TRMT11: variants seen among roughly 807,000 people sequenced by gnomAD.
The protein encoded by TRMT11 is tRNA (guanine(10)-N(2))-methyltransferase TRMT11.
Under a neutral mutation model 62.8 loss-of-function variants are expected in TRMT11, and 53 were observed. The observed-to-expected ratio is 0.84, with a 90% CI of 0.68 to 1.06. TRMT11 has a LOEUF of 1.06. Ranked by LOEUF, TRMT11 falls within the 50% of genes least tolerant of loss-of-function variation. The pLI is 0.00. For synonymous variants in TRMT11, 188 were observed against 190.3 expected (o/e 0.99, Z 0.10); for missense variants, 556 against 553.4 (o/e 1.00, Z -0.05).
chr6:126,046,695 G>T (rs896714692), intron 16 of TRMT11, among the ~76,000 whole-genome samples: 1 of 152,140 alleles, frequency 6.6e-6, no homozygotes, highest in Non-Finnish European at 1.5e-5. Context: ...GTGGGGGAAG[G>T]GTCCACTCGG....
At chr6:125,999,957 A>G (rs191148798) in intron 7 of TRMT11, among the ~76,000 whole-genome samples, 2 of 152,318 alleles carry the variant, frequency 1.3e-5, no homozygotes, top group Non-Finnish European at 2.9e-5. Flanking sequence ...TGAAAGAAAG[A>G]CTTGGATGAC....
At chr6:126,091,469 A>G (rs1488087330) in intron 17 of TRMT11, among the ~76,000 whole-genome samples, 2 of 152,130 alleles carry the variant, frequency 1.3e-5, no homozygotes, top group Admixed American at 6.5e-5. Context: ...TTTTCGGTCC[A>G]TAAATCTTCC....
downstream of TRMT11, among the ~76,000 whole-genome samples, chr6:126,040,207 A>G (rs1303533287): frequency 1.3e-5 from 2 of 152,142 alleles, no homozygotes; most frequent in Non-Finnish European, 2.9e-5. Context: ...GATTAGTCCA[A>G]ATAGTTCTGG....
chr6:126,015,616 A>G (rs750446034), intron 11 of TRMT11, among the ~76,000 whole-genome samples: 1 of 152,152 alleles, frequency 6.6e-6, no homozygotes, highest in African/African-American at 2.4e-5. Context: ...GAACATTCCT[A>G]TCTAACCATG....
At chr6:126,190,849 G>A (rs558797777) in intron 1 of TRMT11, among the ~76,000 whole-genome samples, 2 of 152,180 alleles carry the variant, frequency 1.3e-5, no homozygotes, top group African/African-American at 2.4e-5. Flanking sequence ...TCCACTGATG[G>A]ACACTTAGGA....
chr6:126,027,315 A>G (rs916075772), intron 12 of TRMT11, among the ~76,000 whole-genome samples: 7 of 152,096 alleles, frequency 4.6e-5, no homozygotes, highest in East Asian at 3.9e-4. Context: ...TTCTCTCTCA[A>G]CCTTCTCCAT....
chr6:126,028,616 C>T (rs181460491), intron 12 of TRMT11, among the ~76,000 whole-genome samples: 99 of 152,156 alleles, frequency 6.5e-4, no homozygotes, highest in Non-Finnish European at 9.6e-4. Context: ...GTTTGTGGTA[C>T]TTTTTCTTGA....
At chr6:126,159,924 G>A (rs772964973) in intron 21 of TRMT11, among the ~76,000 whole-genome samples, 1 of 152,050 alleles carries the variant, frequency 6.6e-6, no homozygotes, top group Non-Finnish European at 1.5e-5. Flanking sequence ...GAAGTCAACA[G>A]GAATTGGAAG....
intron 17 of TRMT11, among the ~76,000 whole-genome samples, chr6:126,099,132 T>C (rs184628502): frequency 6.6e-6 from 1 of 152,312 alleles, no homozygotes; most frequent in Admixed American, 6.5e-5. Flanking sequence ...CTTCTTATCA[T>C]TTGGTTGTCC....
intron 21 of TRMT11, among the ~76,000 whole-genome samples, chr6:126,127,999 A>G (rs915305982): frequency 2.6e-5 from 4 of 152,116 alleles, no homozygotes; most frequent in Non-Finnish European, 5.9e-5. Flanking sequence ...TAAAATCACA[A>G]TATTGTACGT....
chr6:126,008,715 A>G (rs779258875), intron 8 of TRMT11: 6 of 664,652 alleles, frequency 9.0e-6, no homozygotes, highest in South Asian at 7.5e-5. Context: ...CTTCCACTTC[A>G]TGAATAGTAA....
the TRMT11 span, among the ~76,000 whole-genome samples, chr6:126,244,513 A>G: frequency 2.0e-5 from 3 of 152,212 alleles, no homozygotes; most frequent in African/African-American, 7.2e-5. Flanking sequence ...CTAAAGGGCA[A>G]CTATTACAAG....
chr6:126,077,963 G>T (rs1777067541), intron 17 of TRMT11, among the ~76,000 whole-genome samples: 1 of 152,126 alleles, frequency 6.6e-6, no homozygotes, highest in South Asian at 2.1e-4. Context: ...TGCTGAACAA[G>T]ACACATCCTT....
chr6:126,076,034 A>G (rs1436217476), intron 17 of TRMT11, among the ~76,000 whole-genome samples: 2 of 151,648 alleles, frequency 1.3e-5, no homozygotes, highest in Admixed American at 1.3e-4. Flanking sequence ...TGCTTCTGCC[A>G]CTATATTTTT....
intron 11 of TRMT11, among the ~76,000 whole-genome samples, chr6:126,020,211 T>G (rs1795620193): frequency 6.6e-6 from 1 of 152,208 alleles, no homozygotes; most frequent in Non-Finnish European, 1.5e-5. Context: ...GAGCAGACCT[T>G]TAAGATTACC....
chr6:126,250,264 T>C, the TRMT11 span, among the ~76,000 whole-genome samples: 1 of 152,106 alleles, frequency 6.6e-6, no homozygotes, highest in African/African-American at 2.4e-5. Context: ...TCGTAGAGTG[T>C]AGAGACAGAA....
At chr6:126,269,831 A>G in the TRMT11 span, among the ~76,000 whole-genome samples, 5 of 152,204 alleles carry the variant, frequency 3.3e-5, no homozygotes, top group African/African-American at 1.2e-4. Context: ...TATAAGAAAG[A>G]TGGAGGAATA....
chr6:126,211,870 C>T, the TRMT11 span, among the ~76,000 whole-genome samples: 4 of 152,026 alleles, frequency 2.6e-5, no homozygotes, highest in Non-Finnish European at 5.9e-5. Flanking sequence ...TACTAGATCT[C>T]ATTCATTTTT....
chr6:126,037,770 T>C (rs1214575830), intron 12 of TRMT11, among the ~76,000 whole-genome samples: 1 of 152,086 alleles, frequency 6.6e-6, no homozygotes, highest in Non-Finnish European at 1.5e-5. Context: ...AAAAATATTT[T>C]TGCAAAAATG....
Sources: gnomAD v4.1 joint callset for allele counts (sites outside exome capture counted in the v4.1 genomes callset) on GRCh38, gnomAD v4.1.1 for gene constraint, MANE v1.5 for transcripts, NCBI Gene and HGNC (gene_info 2026-07-23, HGNC 2026-07-21) for gene names.